ARHGDIB: variants seen among roughly 807,000 people sequenced by gnomAD.
The protein encoded by ARHGDIB is rho GDP-dissociation inhibitor 2.
A neutral mutation model predicts 22.6 loss-of-function variants in ARHGDIB; 20 were observed. The ratio of observed to expected loss-of-function variants is 0.88; its 90% CI spans 0.62 to 1.28. The LOEUF is 1.28. Ranked by LOEUF, ARHGDIB falls within the 50% of genes most tolerant of loss-of-function variation. ARHGDIB has a pLI of 0.00. For missense variants in ARHGDIB, 254 were observed against 245.4 expected, an observed-to-expected ratio of 1.04 and a Z score of -0.23; for synonymous variants, 114 against 96.1, an observed-to-expected ratio of 1.19 and a Z score of -1.09.
chr12:14,959,823 C>G (rs1030912676), intron 1 of ARHGDIB, among the ~76,000 whole-genome samples: 3 of 152,178 alleles, frequency 2.0e-5, no homozygotes, highest in African/African-American at 7.2e-5. Flanking sequence ...CATAGTTAGT[C>G]CTCAGGTTTT....
chr12:14,956,356 G>C (rs1217771113), intron 1 of ARHGDIB: 2 of 152,202 alleles, frequency 1.3e-5, no homozygotes, highest in Non-Finnish European at 2.9e-5. Context: ...GCCGTGGCAT[G>C]AGAGGATCTC....
At chr12:14,953,838 TC>T (rs1284180370) in intron 1 of ARHGDIB, among the ~76,000 whole-genome samples, 224 of 151,862 alleles carry the variant, frequency 1.5e-3, no homozygotes, top group African/African-American at 5.3e-3. Flanking sequence ...TCTCTCTCTC[TC>T]TTTCTCTTTC....
intron 3 of ARHGDIB, 74 bp from the exon 4 acceptor site, chr12:14,948,023 G>C: frequency 7.7e-7 from 1 of 1,303,926 alleles, no homozygotes; most frequent in Non-Finnish European, 1.1e-6. Context: ...TTTAAGTCCC[G>C]GAAAAATTTG....
At chr12:14,955,226 G>A (rs1864274504) in intron 1 of ARHGDIB, among the ~76,000 whole-genome samples, 1 of 152,142 alleles carries the variant, frequency 6.6e-6, no homozygotes. Flanking sequence ...ATGTTGTGAG[G>A]TAGGCACAAT....
At chr12:14,957,191 T>C (rs1864320319) in intron 1 of ARHGDIB, among the ~76,000 whole-genome samples, 1 of 152,222 alleles carries the variant, frequency 6.6e-6, no homozygotes, top group African/African-American at 2.4e-5. Flanking sequence ...CTAATTTCAC[T>C]GAGCCTCAGT....
At chr12:14,943,107 A>T (rs1202533053) in intron 5 of ARHGDIB, among the ~76,000 whole-genome samples, 2 of 152,178 alleles carry the variant, frequency 1.3e-5, no homozygotes, top group Non-Finnish European at 2.9e-5. Context: ...ACCTCAGGTG[A>T]TCCACCCGCC....
Position 14,947,892 on chromosome 12 carries a change from C to G in ARHGDIB, c.323G>C (p.Arg108Thr). ...TIVLKEGSEYRVKIHFKVNRD... is the reference protein window; with the variant it reads ...TIVLKEGSEYTVKIHFKVNRD... ...ACTTACTTTGAAGTGAATTTTGACT[C>G]TATATTCAGAACCTTCCTTTAACAC... Residue 108 changes from arginine to threonine, a missense_variant, in exon 4 of 6, where the codon AGA becomes ACA. Coordinates refer to ENST00000228945, the MANE Select transcript of ARHGDIB (RefSeq NM_001175.7). 3.7e-6 allele frequency: 6 copies of G among 1,612,636 alleles called. No homozygotes were observed. In the South Asian group the frequency reaches 4.4e-5, roughly 12 times the overall value.
chr12:14,949,122 C>A (rs901520317), intron 3 of ARHGDIB, among the ~76,000 whole-genome samples: 3 of 151,930 alleles, frequency 2.0e-5, no homozygotes, highest in African/African-American at 7.3e-5. Flanking sequence ...AAAAACTTGC[C>A]TTTGAAGGCC....
rs181329565 is a variant in ARHGDIB, at chr12:14,959,871, T to C, written c.-13+1666A>G. ...CATGGATGGAGAAAGAACTGTCTCT[T>C]AGAATTTCACACATCTCACAAAAGA... On this transcript the variant is annotated intron_variant, in intron 1 of 5. Coordinates refer to ENST00000228945, the MANE Select transcript of ARHGDIB (RefSeq NM_001175.7). Among the ~76,000 whole-genome samples the C allele has an allele frequency of 6.6e-5, 10 of 152,354 alleles. No homozygotes were observed. In the East Asian group the frequency reaches 1.9e-3, roughly 29 times the overall value.
In ARHGDIB at chr12:14,942,564, G is replaced by C; in HGVS notation, c.564C>G (p.Ser188Arg). ...TCTTAATCGACAGGTTCCACTCCCA[G>C]CTGAGGTGGTCTTGCTTGTCATCGT... Reference protein sequence around the residue: ...FTDDDKQDHLSWEWNLSIKKE... With the variant: ...FTDDDKQDHLRWEWNLSIKKE... The change falls in exon 6 of 6, where the codon AGC becomes AGG. Residue 188 changes from serine (S) to arginine (R), a missense_variant. Coordinates refer to ENST00000228945, the MANE Select transcript of ARHGDIB (RefSeq NM_001175.7). 3 of 1,614,158 alleles carry C rather than the reference G, an allele frequency of 1.9e-6. No homozygotes were observed. The highest frequency in any genetic ancestry group is 2.5e-6 in the Non-Finnish European group (3 of 1,180,014).
intron 1 of ARHGDIB, among the ~76,000 whole-genome samples, chr12:14,958,583 A>G (rs1040213545): frequency 2.1e-4 from 32 of 152,246 alleles, no homozygotes; most frequent in Non-Finnish European, 3.4e-4. Context: ...CATGCCACCA[A>G]GTACCTTCAC....
At chr12:14,943,383 T>TG (rs1363231663) in intron 5 of ARHGDIB, among the ~76,000 whole-genome samples, 11 of 102,416 alleles carry the variant, frequency 1.1e-4, no homozygotes, top group African/African-American at 4.3e-4. Context: ...GCCTGTTTTT[T>TG]TTTTTTTTGT....
intron 4 of ARHGDIB, among the ~76,000 whole-genome samples, chr12:14,945,293 T>C (rs751542023): frequency 2.6e-5 from 4 of 152,152 alleles, no homozygotes; most frequent in Non-Finnish European, 5.9e-5. Flanking sequence ...CCACTTACCA[T>C]ATAAAAAACA....
At chr12:14,959,849 G>A (rs1864376152) in intron 1 of ARHGDIB, among the ~76,000 whole-genome samples, 1 of 152,198 alleles carries the variant, frequency 6.6e-6, no homozygotes, top group South Asian at 2.1e-4. Flanking sequence ...TGTGAAGCAT[G>A]GATGGAGAAA....
At chr12:14,943,614 G>A (rs1038687000) in intron 5 of ARHGDIB, among the ~76,000 whole-genome samples, 10 of 152,184 alleles carry the variant, frequency 6.6e-5, no homozygotes, top group African/African-American at 9.6e-5. Context: ...GTAACAGATG[G>A]TGATGAGAAT....
rs1864153182 is a variant in ARHGDIB at position 14,950,717 on chromosome 12, A to G, written c.-5T>C. On this transcript the variant is annotated 5_prime_UTR_variant, in exon 2 of 6. Transcript: ENST00000228945. Reference sequence around the variant, plus strand: ...CTCTGGGGCTTTTTCAGTCATTCTGATCTATTTCTGGGAGACAGAATGACA... The same window carrying G: ...CTCTGGGGCTTTTTCAGTCATTCTGGTCTATTTCTGGGAGACAGAATGACA... The G allele has an allele frequency of 1.9e-6, 3 of 1,602,124 alleles. No individual in the cohort carries two copies. The highest frequency in any genetic ancestry group is 2.7e-5 in the African/African-American group (2 of 74,108).
intron 5 of ARHGDIB, among the ~76,000 whole-genome samples, chr12:14,944,232 T>C (rs1433604926): frequency 6.6e-6 from 1 of 151,098 alleles, no homozygotes; most frequent in Non-Finnish European, 1.5e-5. Context: ...GAATTGCAGA[T>C]TAAGTAATGT....
At chr12:14,945,173 C>T (rs1863982285) in intron 4 of ARHGDIB, among the ~76,000 whole-genome samples, 1 of 152,106 alleles carries the variant, frequency 6.6e-6, no homozygotes, top group Non-Finnish European at 1.5e-5. Flanking sequence ...CTTGAGCTTT[C>T]CCTCTCCAAT....
At chr12:14,959,974 A>T (rs1284584689) in intron 1 of ARHGDIB, among the ~76,000 whole-genome samples, 1 of 152,148 alleles carries the variant, frequency 6.6e-6, no homozygotes, top group East Asian at 1.9e-4. Context: ...AAAAAACACA[A>T]AGCCAATGGC....
Sources: gnomAD v4.1 joint callset for allele counts (sites outside exome capture counted in the v4.1 genomes callset) on GRCh38, gnomAD v4.1.1 for gene constraint, MANE v1.5 for transcripts, NCBI Gene and HGNC (gene_info 2026-07-23, HGNC 2026-07-21) for gene names.